The following COG5 variants were observed in gnomAD, a reference collection of about 807,000 sequenced individuals.
COG5 encodes component of oligomeric golgi complex 5, also known as conserved oligomeric Golgi complex subunit 5.
In COG5, 86 loss-of-function variants were observed where a neutral mutation model predicts 110.4. The ratio of observed to expected loss-of-function variants is 0.78; its 90% confidence interval spans 0.65 to 0.93. The LOEUF is 0.93. COG5 is among the 40% of genes least tolerant of loss of function. The pLI is 0.00. For missense variants in COG5, 1,077 were observed against 987.0 expected (o/e 1.09, Z -1.22); for synonymous variants, 360 against 334.6 (o/e 1.08, Z -0.83).
At chr7:107,475,117 T>C in intron 6 of COG5, 1 of 1,612,054 alleles carries the variant, frequency 6.2e-7, no homozygotes, top group Non-Finnish European at 8.5e-7. Flanking sequence ...ATTGTGTTTT[T>C]TAGTCATGGC....
intron 17 of COG5, among the ~76,000 whole-genome samples, chr7:107,243,242 G>A (rs191019019): frequency 3.9e-5 from 6 of 152,240 alleles, no homozygotes; most frequent in African/African-American, 1.2e-4. Flanking sequence ...GGCCTGGGGC[G>A]GTGGCTCACG....
chr7:107,407,872 G>C (rs1791974712), intron 7 of COG5, among the ~76,000 whole-genome samples: 1 of 152,008 alleles, frequency 6.6e-6, no homozygotes, highest in Non-Finnish European at 1.5e-5. Flanking sequence ...TGTCATTTGG[G>C]GATGTAGCAA....
rs755770343 is a variant in COG5, at chr7:107,331,490, ACT to A, written c.1027-6971_1027-6970del. Among the ~76,000 whole-genome samples the A allele has an allele frequency of 4.6e-5, 7 of 151,842 alleles. No individual in the cohort carries two copies. In the East Asian group the frequency reaches 1.4e-3, roughly 29 times the overall value. ...CTCAAAAAAAAAGAAAAAGAAAATC[ACT>A]CTGATAATAATGTGGAAGATGAATA... On this transcript the variant is annotated intron_variant, in intron 10 of 21. Coordinates refer to ENST00000297135, the MANE Select transcript of COG5 (RefSeq NM_006348.5).
intron 10 of COG5, among the ~76,000 whole-genome samples, chr7:107,349,554 T>A (rs1456600352): frequency 6.8e-6 from 1 of 148,100 alleles, no homozygotes; most frequent in Non-Finnish European, 1.5e-5. Context: ...GCACGTGCCA[T>A]CATGCTTGGC....
chr7:107,511,437 T>G (rs1002398506), intron 6 of COG5, among the ~76,000 whole-genome samples: 3 of 152,146 alleles, frequency 2.0e-5, no homozygotes, highest in African/African-American at 4.8e-5. Context: ...CAGGAGCAGA[T>G]GGATTCACAG....
intron 16 of COG5, chr7:107,253,015 G>A (rs969060604): frequency 2.6e-5 from 4 of 151,996 alleles, no homozygotes; most frequent in Admixed American, 6.6e-5. Context: ...TTTACCCCCA[G>A]GTCAGAAACA....
At chr7:107,439,577 A>G (rs888791106) in intron 6 of COG5, among the ~76,000 whole-genome samples, 9 of 151,942 alleles carry the variant, frequency 5.9e-5, no homozygotes, top group African/African-American at 2.2e-4. Context: ...ATTTCCATAA[A>G]TTTGGCTAAA....
chr7:107,433,379 C>T (rs1794153836), intron 6 of COG5, among the ~76,000 whole-genome samples: 1 of 152,076 alleles, frequency 6.6e-6, no homozygotes, highest in African/African-American at 2.4e-5. Flanking sequence ...CAAGGGACCC[C>T]AAACAGCCAA....
chr7:107,562,827 C>T (rs924382580), intron 1 of COG5, among the ~76,000 whole-genome samples: 4 of 151,968 alleles, frequency 2.6e-5, no homozygotes, highest in African/African-American at 4.8e-5. Flanking sequence ...CATTTATTAC[C>T]CACTTCGGTC....
chr7:107,468,116 A>T (rs1020203026), intron 6 of COG5, among the ~76,000 whole-genome samples: 5 of 152,200 alleles, frequency 3.3e-5, no homozygotes, highest in African/African-American at 4.8e-5. Context: ...ATCCAATTCT[A>T]AGTCCCAAGA....
intron 6 of COG5, among the ~76,000 whole-genome samples, chr7:107,436,830 C>A (rs555378702): frequency 6.6e-6 from 1 of 152,096 alleles, no homozygotes; most frequent in Non-Finnish European, 1.5e-5. Flanking sequence ...GTCATCAAGA[C>A]GCAGTGTGCC....
At chr7:107,377,373 T>C (rs1179626153) in intron 7 of COG5, among the ~76,000 whole-genome samples, 2 of 152,218 alleles carry the variant, frequency 1.3e-5, no homozygotes, top group Admixed American at 1.3e-4. Flanking sequence ...TACTTAATAT[T>C]GTCTTAACTT....
At chr7:107,415,952 G>GTATGTA in intron 6 of COG5, among the ~76,000 whole-genome samples, 1 of 100,214 alleles carries the variant, frequency 1.0e-5, no homozygotes, top group Non-Finnish European at 2.2e-5. Context: ...ATGTATGTAT[G>GTATGTA]TGTGTGTATA....
intron 19 of COG5, among the ~76,000 whole-genome samples, chr7:107,229,163 T>A (rs1303678218): frequency 6.6e-6 from 1 of 152,074 alleles, no homozygotes; most frequent in Non-Finnish European, 1.5e-5. Context: ...TGAAAATATC[T>A]TCTTCGGCTA....
Position 107,397,089 on chromosome 7 carries a change from A to G in COG5, c.669+15413T>C, listed in dbSNP as rs573316574. On this transcript the variant is annotated intron_variant, in intron 7 of 21. Transcript: ENST00000297135. ...TAAGTAGCCTGAGCCGATGTTGACA[A>G]TTCTGTTCCTCTTTGCCAGACACTT... Among the ~76,000 whole-genome samples, 3 of 152,338 alleles carry G rather than the reference A, an allele frequency of 2.0e-5. No individual in the cohort carries two copies. In the South Asian group the frequency reaches 6.2e-4, roughly 32 times the overall value.
chr7:107,455,674 C>A (rs1795620025), intron 6 of COG5, among the ~76,000 whole-genome samples: 1 of 152,088 alleles, frequency 6.6e-6, no homozygotes, highest in Admixed American at 6.6e-5. Context: ...AGAGAAATGA[C>A]TAGAGATCAT....
At chr7:107,256,223 A>G (rs1370519114) in intron 16 of COG5, among the ~76,000 whole-genome samples, 4 of 152,220 alleles carry the variant, frequency 2.6e-5, no homozygotes, top group Middle Eastern at 6.8e-3. Flanking sequence ...GGGTTTCTCA[A>G]CCTTGGCATT....
intron 6 of COG5, among the ~76,000 whole-genome samples, chr7:107,521,830 C>T (rs1584928364): frequency 6.6e-6 from 1 of 152,196 alleles, no homozygotes; most frequent in Non-Finnish European, 1.5e-5. Context: ...GACACATGCA[C>T]ATGTATGTTT....
Position 107,362,436 on chromosome 7 carries a change from A to G in COG5, c.836-16T>C. 6.4e-7 allele frequency: 1 copy of G among 1,558,650 alleles called. No homozygotes were observed. The highest frequency in any genetic ancestry group is 8.8e-7 in the Non-Finnish European group (1 of 1,130,076). On this transcript the variant is annotated splice_polypyrimidine_tract_variant and intron_variant, in intron 8 of 21. Transcript: ENST00000297135. ...CCAGGTCCCCCTGGTTATGAGTGAG[A>G]AAGAACAATGAAAAATAAAGTTTTC...
Sources: gnomAD v4.1 joint callset for allele counts (sites outside exome capture counted in the v4.1 genomes callset) on GRCh38, gnomAD v4.1.1 for gene constraint, MANE v1.5 for transcripts, NCBI Gene and HGNC (gene_info 2026-07-23, HGNC 2026-07-21) for gene names.